ESRRG: variants seen among roughly 807,000 people sequenced by gnomAD.
ESRRG encodes estrogen-related receptor gamma.
A neutral mutation model predicts 44.0 loss-of-function variants in ESRRG; 13 were observed. The ratio of observed to expected loss-of-function variants is 0.30; its 90% CI spans 0.19 to 0.47. The LOEUF (loss-of-function observed/expected upper bound fraction) is 0.47, where lower values mean the gene tolerates loss of function less well. Among genes scored for constraint, ESRRG ranks in the 20% least tolerant of loss-of-function variants. The pLI is 1.00. For synonymous variants in ESRRG, 215 were observed against 214.6 expected (o/e 1.00, Z -0.02); for missense variants, 395 against 580.6 (o/e 0.68, Z 3.29).
At chr1:216,728,644 ATT>A (rs1232926521) in intron 2 of ESRRG, among the ~76,000 whole-genome samples, 1 of 152,092 alleles carries the variant, frequency 6.6e-6, no homozygotes, top group Non-Finnish European at 1.5e-5. Flanking sequence ...CATATAATAT[ATT>A]TGAGTCTAAA....
chr1:217,129,784 G>T (rs974411395), intron 1 of ESRRG, among the ~76,000 whole-genome samples: 1 of 152,146 alleles, frequency 6.6e-6, no homozygotes, highest in East Asian at 1.9e-4. Flanking sequence ...AGCAGATTAA[G>T]GCTTGACAGT....
intron 1 of ESRRG, among the ~76,000 whole-genome samples, chr1:217,036,942 G>A (rs538565365): frequency 6.6e-6 from 1 of 152,162 alleles, no homozygotes; most frequent in African/African-American, 2.4e-5. Flanking sequence ...GCTCTCCTCA[G>A]TCATGCCCGA....
At chr1:216,970,695 T>G (rs532832231) in intron 1 of ESRRG, among the ~76,000 whole-genome samples, 1 of 152,216 alleles carries the variant, frequency 6.6e-6, no homozygotes, top group Non-Finnish European at 1.5e-5. Context: ...TTTAGAAGTT[T>G]TGACCATCTA....
At chr1:216,584,280 G>A (rs888317895) in intron 3 of ESRRG, among the ~76,000 whole-genome samples, 32 of 145,702 alleles carry the variant, frequency 2.2e-4, no homozygotes, top group Non-Finnish European at 3.3e-4. Flanking sequence ...TTTTTGAGAC[G>A]GAGTCTTGTT....
intron 2 of ESRRG, among the ~76,000 whole-genome samples, chr1:216,751,680 T>G (rs1179288797): frequency 2.0e-5 from 3 of 152,114 alleles, no homozygotes; most frequent in Non-Finnish European, 2.9e-5. Context: ...GTTTCTTCCC[T>G]GATAAAGTCA....
At chr1:217,086,622 A>G (rs886314761) in intron 1 of ESRRG, among the ~76,000 whole-genome samples, 1 of 152,158 alleles carries the variant, frequency 6.6e-6, no homozygotes, top group Non-Finnish European at 1.5e-5. Context: ...CCGTGTAAAA[A>G]TTTTATCTTG....
chr1:216,723,605 G>A (rs530351310), upstream of ESRRG: 4 of 393,954 alleles, frequency 1.0e-5, no homozygotes, highest in South Asian at 1.6e-4. Context: ...CAGGTAGGCA[G>A]GGTGCAGAGA....
At chr1:216,543,226 T>G (rs1199124901) in intron 5 of ESRRG, among the ~76,000 whole-genome samples, 1 of 152,084 alleles carries the variant, frequency 6.6e-6, no homozygotes, top group Non-Finnish European at 1.5e-5. Flanking sequence ...ATCCATGGAA[T>G]GACACTATTT....
intron 1 of ESRRG, among the ~76,000 whole-genome samples, chr1:216,965,649 A>C (rs191713940): frequency 4.6e-5 from 7 of 152,278 alleles, no homozygotes; most frequent in African/African-American, 1.7e-4. Flanking sequence ...TCTATTAGAT[A>C]CATTCCTAGG....
intron 2 of ESRRG, among the ~76,000 whole-genome samples, chr1:216,872,996 C>A (rs1346213168): frequency 1.3e-5 from 2 of 152,140 alleles, no homozygotes; most frequent in South Asian, 2.1e-4. Context: ...CAAGTTCCAA[C>A]TGACCTTCTC....
rs530195681 is a variant in ESRRG at position 217,029,634 on chromosome 1, C to T, written c.-106+59873G>A. 2.6e-5 allele frequency among the ~76,000 whole-genome samples: 4 copies of T among 152,320 alleles called. No homozygotes were observed. The South Asian group carries it at 6.2e-4, about 24-fold the overall frequency. On this transcript the variant is annotated intron_variant, in intron 1 of 7. Coordinates refer to the ESRRG transcript ENST00000359162. ...GCTAGACCACACTTGGCTTTAACTACCGCCAGACCAATTCATTAAGAAAAA... is the reference window on the plus strand; with the variant it reads ...GCTAGACCACACTTGGCTTTAACTATCGCCAGACCAATTCATTAAGAAAAA...
intron 1 of ESRRG, among the ~76,000 whole-genome samples, chr1:217,034,798 G>A (rs1318767434): frequency 1.3e-5 from 2 of 152,114 alleles, no homozygotes; most frequent in African/African-American, 4.8e-5. Context: ...GTAACACCAG[G>A]TACATTCTGT....
chr1:217,090,372 A>T (rs572665663), upstream of ESRRG: 1 of 151,992 alleles, frequency 6.6e-6, no homozygotes, highest in East Asian at 1.9e-4. Context: ...ACGGCTAGGG[A>T]TCCCAAACCT....
At chr1:216,779,228 TAA>T (rs2093753756) in intron 2 of ESRRG, among the ~76,000 whole-genome samples, 1 of 56,744 alleles carries the variant, frequency 1.8e-5, no homozygotes, top group Non-Finnish European at 2.9e-5. Context: ...TTTATATTTA[TAA>T]ATATAAATAT....
intron 5 of ESRRG, among the ~76,000 whole-genome samples, chr1:216,530,318 C>CTATCTATT (rs57613390): frequency 0.31 from 45,435 of 146,774 alleles, 7,246 homozygotes; most frequent in Non-Finnish European, 0.35. Context: ...ATCTATCTAT[C>CTATCTATT]TATCTATCTA....
At chr1:217,088,276 A>G (rs2092208004) in intron 1 of ESRRG, among the ~76,000 whole-genome samples, 1 of 151,870 alleles carries the variant, frequency 6.6e-6, no homozygotes, top group Non-Finnish European at 1.5e-5. Context: ...ACTTCACAAC[A>G]TCCGCAGGTC....
chr1:216,929,405 A>G (rs978374228), intron 2 of ESRRG, among the ~76,000 whole-genome samples: 7 of 152,236 alleles, frequency 4.6e-5, no homozygotes, highest in Non-Finnish European at 8.8e-5. Flanking sequence ...AAAAGGCAAT[A>G]CATCTCCCAT....
At chr1:216,513,845 G>A (rs529465926) in intron 6 of ESRRG, among the ~76,000 whole-genome samples, 6 of 152,078 alleles carry the variant, frequency 3.9e-5, no homozygotes, top group Admixed American at 6.5e-5. Flanking sequence ...ATAGTATACT[G>A]GGTAAGTGAA....
At chr1:216,819,403 C>A (rs940438098) in intron 2 of ESRRG, among the ~76,000 whole-genome samples, 1 of 152,106 alleles carries the variant, frequency 6.6e-6, no homozygotes, top group Non-Finnish European at 1.5e-5. Flanking sequence ...CTTTTTTAAG[C>A]GACTTTCTTT....
Sources: gnomAD v4.1 joint callset for allele counts (sites outside exome capture counted in the v4.1 genomes callset) on GRCh38, gnomAD v4.1.1 for gene constraint, MANE v1.5 for transcripts, NCBI Gene and HGNC (gene_info 2026-07-23, HGNC 2026-07-21) for gene names.